The following ATP8B1 variants were observed in gnomAD, a reference collection of about 807,000 sequenced individuals.
ATP8B1 encodes the protein ATPase phospholipid transporting 8B1, also known as phospholipid-transporting ATPase IC.
In ATP8B1, 80 loss-of-function variants were observed where a neutral mutation model predicts 149.9. The observed-to-expected ratio is 0.53, with a 90% CI of 0.45 to 0.64. The LOEUF is 0.64. Among genes scored for constraint, ATP8B1 ranks in the 30% least tolerant of loss-of-function variants. ATP8B1 has a pLI of 0.00. For synonymous variants in ATP8B1, 536 were observed against 562.8 expected, an observed-to-expected ratio of 0.95 and a Z score of 0.67; for missense variants, 1,247 against 1,552.6, an observed-to-expected ratio of 0.80 and a Z score of 3.31.
chr18:57,695,258 T>G lies in ATP8B1; in HGVS notation c.853A>C (p.Ser285Arg). The change falls in exon 10 of 28, where the codon AGT becomes CGT. Residue 285 changes from serine (S) to arginine (R), a missense_variant. Coordinates refer to ENST00000648908, the MANE Select transcript of ATP8B1 (RefSeq NM_001374385.1). ...FTGTLFWRNT[S>R]FPLDADKILL... ...ATTTTATCAGCATCCAAAGGAAAAC[T>G]TGTGTTTCTCCAAAATAGTGTTCCT... The G allele has an allele frequency of 6.2e-7, 1 of 1,613,812 alleles. No individual in the cohort carries two copies. Among genetic ancestry groups the G allele is most frequent in the Non-Finnish European group, 8.5e-7 (1 of 1,179,742 alleles).
At chr18:57,667,253 C>T in intron 19 of ATP8B1, 86 bp from the exon 20 acceptor site, 1 of 1,100,726 alleles carries the variant, frequency 9.1e-7, no homozygotes, top group South Asian at 1.3e-5. Context: ...ATCTCACTCC[C>T]ACTGCCTAGG....
chr18:57,744,500 T>C (rs1415586767), intron 1 of ATP8B1, among the ~76,000 whole-genome samples: 1 of 152,100 alleles, frequency 6.6e-6, no homozygotes, highest in Non-Finnish European at 1.5e-5. Flanking sequence ...GATGTTTATT[T>C]TGGAGACTCG....
chr18:57,672,991 A>G (rs1162543800), intron 16 of ATP8B1, among the ~76,000 whole-genome samples: 10 of 44,694 alleles, frequency 2.2e-4, no homozygotes, highest in Non-Finnish European at 4.1e-4. Flanking sequence ...ATATATAAAT[A>G]CATGTATATA....
chr18:57,655,158 A>C, intron 23 of ATP8B1, 36 bp downstream of exon 23: 5 of 1,529,474 alleles, frequency 3.3e-6, no homozygotes, highest in Non-Finnish European at 3.6e-6. Context: ...TAAGAGCTCT[A>C]CTTAGTAAAT....
rs562997808 is a variant in ATP8B1 at position 57,750,637 on chromosome 18, T to C, written c.-25-18805A>G. On this transcript the variant is annotated intron_variant, in intron 1 of 27. Coordinates refer to ENST00000648908, the MANE Select transcript of ATP8B1 (RefSeq NM_001374385.1). The stretch of plus-strand genomic sequence containing the variant: ...TATATATCAGTTCCTAGGCTCATTC[T>C]GGCTATTGCCCTACCCATCCTCAGA... 7.9e-5 allele frequency among the ~76,000 whole-genome samples: 12 copies of C among 152,356 alleles called. No individual in the cohort carries two copies. In the South Asian group the frequency reaches 2.3e-3, roughly 29 times the overall value.
chr18:57,746,555 C>G (rs975243866), intron 1 of ATP8B1, among the ~76,000 whole-genome samples: 1 of 147,366 alleles, frequency 6.8e-6, no homozygotes, highest in African/African-American at 2.5e-5. Context: ...CTCACTACAA[C>G]CTCCGCCTCC....
At chr18:57,668,988 G>C (rs1911066327) in intron 18 of ATP8B1, 1 of 215,036 alleles carries the variant, frequency 4.7e-6, no homozygotes, top group African/African-American at 2.3e-5. Context: ...AATATGAATT[G>C]TTTCGGTAAT....
In ATP8B1 at chr18:57,784,231, G is replaced by A. The variant is rs114514869; in HGVS notation, c.-26+18767C>T. ...AGAATGGAATTTGCAGGGGGAAGCCGGGGTCAGGGCGGGCTGGGCATAGAG... is the reference window on the plus strand; with the variant it reads ...AGAATGGAATTTGCAGGGGGAAGCCAGGGTCAGGGCGGGCTGGGCATAGAG... On this transcript the variant is annotated intron_variant, in intron 1 of 27. Coordinates refer to ENST00000648908, the MANE Select transcript of ATP8B1 (RefSeq NM_001374385.1). The surrounding 1 kb of genome is among the most constrained non-coding windows in gnomAD (Gnocchi z 4.4). Among the ~76,000 whole-genome samples the A allele has an allele frequency of 6.7e-3, 1,023 of 152,284 alleles. 14 individuals carry two copies. The highest frequency in any genetic ancestry group is 0.022 in the African/African-American group (930 of 41,558).
chr18:57,775,059 AT>A, intron 1 of ATP8B1, among the ~76,000 whole-genome samples: 1 of 133,630 alleles, frequency 7.5e-6, no homozygotes, highest in East Asian at 1.9e-4. Flanking sequence ...CATGCCTGTA[AT>A]CCCAACACTT....
At position 57,787,400 on chromosome 18, in the gene ATP8B1, GCACTGCGGGAGGAGCTCCATCTAGAA is replaced by G. The variant is rs1568071645; in HGVS notation, c.-26+15572_-26+15597del. Among the ~76,000 whole-genome samples the G allele has an allele frequency of 3.4e-3, 517 of 150,648 alleles. 14 individuals carry two copies. The highest frequency in any genetic ancestry group is 4.2e-3 in the Admixed American group (63 of 15,028). On this transcript the variant is annotated intron_variant, in intron 1 of 27. Transcript: ENST00000648908. ...CACTGCGAGAGGAGCTCCATCTAGA[GCACTGCGGGAGGAGCTCCATCTAGAA>G]CACTGCGGGAGGAGCTCCATCTAGA...
chr18:57,762,515 G>A (rs910270942), intron 1 of ATP8B1, among the ~76,000 whole-genome samples: 3 of 152,164 alleles, frequency 2.0e-5, no homozygotes, highest in Non-Finnish European at 4.4e-5. Context: ...TCTTTGTTGT[G>A]TGGGGTTTGG....
chr18:57,682,667 G>T (rs1912039158), intron 15 of ATP8B1, among the ~76,000 whole-genome samples: 1 of 152,060 alleles, frequency 6.6e-6, no homozygotes, highest in African/African-American at 2.4e-5. Flanking sequence ...TCAGGACCTG[G>T]TATCGCCCCT....
At chr18:57,708,580 C>G in intron 2 of ATP8B1, 1 of 152,156 alleles carries the variant, frequency 6.6e-6, no homozygotes, top group East Asian at 1.9e-4. Context: ...GTGACACATC[C>G]CCACCACCAG....
At position 57,757,684 on chromosome 18, in the gene ATP8B1, A is replaced by C. The variant is rs370257755; in HGVS notation, c.-25-25852T>G. ...ATATGTTCCTTCTTTCTCAGTGAGA[A>C]CCCTGGCTCTCCAAAACAATAACTC... On this transcript the variant is annotated intron_variant, in intron 1 of 27. Coordinates refer to ENST00000648908, the MANE Select transcript of ATP8B1 (RefSeq NM_001374385.1). 1.3e-3 allele frequency among the ~76,000 whole-genome samples: 200 copies of C among 152,258 alleles called. 6 individuals carry two copies. In the South Asian group the frequency reaches 0.041, roughly 31 times the overall value.
At chr18:57,713,900 T>C (rs1051411506) in intron 2 of ATP8B1, among the ~76,000 whole-genome samples, 2 of 152,116 alleles carry the variant, frequency 1.3e-5, no homozygotes, top group Non-Finnish European at 2.9e-5. Context: ...GTGCTGGGAT[T>C]ACAGGCATGA....
chr18:57,770,738 G>A (rs1478454413), intron 1 of ATP8B1, among the ~76,000 whole-genome samples: 3 of 152,238 alleles, frequency 2.0e-5, no homozygotes, highest in African/African-American at 2.4e-5. Context: ...GCGGCAGATC[G>A]CAAGTTCATG....
intron 1 of ATP8B1, among the ~76,000 whole-genome samples, chr18:57,779,474 T>C (rs1198774010): frequency 6.6e-6 from 1 of 152,240 alleles, no homozygotes; most frequent in Non-Finnish European, 1.5e-5. Flanking sequence ...AAATAAAATG[T>C]AAAATTAACC....
chr18:57,693,073 A>G (rs1912621702), intron 11 of ATP8B1, among the ~76,000 whole-genome samples: 1 of 152,236 alleles, frequency 6.6e-6, no homozygotes, highest in Admixed American at 6.5e-5. Flanking sequence ...ATGACACCAA[A>G]GATGAATGTG....
intron 1 of ATP8B1, chr18:57,755,626 GA>G (rs1361150908): frequency 6.6e-6 from 1 of 152,192 alleles, no homozygotes; most frequent in Non-Finnish European, 1.5e-5. Flanking sequence ...TATTATCCAT[GA>G]ATCCCAGGCT....
Sources: gnomAD v4.1 joint callset for allele counts (sites outside exome capture counted in the v4.1 genomes callset) on GRCh38, gnomAD v4.1.1 for gene constraint, Gnocchi (gnomAD v3.1) non-coding constraint, MANE v1.5 for transcripts, NCBI Gene and HGNC (gene_info 2026-07-23, HGNC 2026-07-21) for gene names.